Variants in CLINT1 observed in about 807,000 individuals in gnomAD.
CLINT1 encodes clathrin interactor 1.
CLINT1 carries 15 observed loss-of-function variants against 70.4 expected under a neutral mutation model. The ratio of observed to expected loss-of-function variants is 0.21; its 90% CI spans 0.14 to 0.33. CLINT1 has a LOEUF of 0.33. Ranked by LOEUF, CLINT1 falls within the 10% of genes least tolerant of loss-of-function variation. The pLI is 1.00. For missense variants in CLINT1, 615 were observed against 778.1 expected (o/e 0.79, Z 2.49); for synonymous variants, 227 against 254.7 (o/e 0.89, Z 1.04).
chr5:157,858,992 C>A lies in CLINT1; in HGVS notation c.-22G>T, dbSNP rs763083573. ...ACATCGTGCCCCGCGCGGGACGGTC[C>A]GCCGCCTCCCTCTCCTGCTCCCCAC... On this transcript the variant is annotated 5_prime_UTR_variant, in exon 1 of 12. Transcript: ENST00000411809. The A allele has an allele frequency of 2.7e-5, 44 of 1,610,132 alleles. No homozygotes were observed. The Admixed American group carries it at 7.2e-4, about 26-fold the overall frequency.
intron 1 of CLINT1, among the ~76,000 whole-genome samples, chr5:157,837,974 A>G (rs927019607): frequency 9.9e-5 from 15 of 151,826 alleles, no homozygotes; most frequent in African/African-American, 3.1e-4. Flanking sequence ...AAGATCTTTT[A>G]CTCTTAATGT....
chr5:157,852,055 T>C (rs1379526202), intron 1 of CLINT1, among the ~76,000 whole-genome samples: 1 of 152,230 alleles, frequency 6.6e-6, no homozygotes, highest in Non-Finnish European at 1.5e-5. Context: ...AGGATTCTTT[T>C]TCTTGATATT....
intron 6 of CLINT1, 23 bp from the exon 7 acceptor site, chr5:157,806,135 C>G: frequency 6.2e-7 from 1 of 1,608,760 alleles, no homozygotes; most frequent in Non-Finnish European, 8.5e-7. Context: ...AAAAATGAAG[C>G]AAAATAATAA....
chr5:157,791,419 A>C (rs868086075), intron 10 of CLINT1, among the ~76,000 whole-genome samples: 11 of 152,174 alleles, frequency 7.2e-5, no homozygotes, highest in Admixed American at 6.5e-5. Flanking sequence ...TGTAACAATA[A>C]ATTTTTGCCA....
At chr5:157,830,765 T>C (rs1341337410) in intron 1 of CLINT1, among the ~76,000 whole-genome samples, 18 of 88,672 alleles carry the variant, frequency 2.0e-4, no homozygotes, top group African/African-American at 6.5e-4. Context: ...TCCCTCTCTC[T>C]CTCTCTCTCT....
intron 1 of CLINT1, among the ~76,000 whole-genome samples, chr5:157,824,165 G>A (rs1669484339): frequency 6.6e-6 from 1 of 152,182 alleles, no homozygotes; most frequent in Admixed American, 6.5e-5. Context: ...CATAACATTA[G>A]ATAAATAGTT....
Position 157,859,096 on chromosome 5 carries a change from G to C in CLINT1, c.-126C>G, listed in dbSNP as rs116812209. 3.5e-3 allele frequency: 3,482 copies of C among 1,002,416 alleles called. 92 individuals carry two copies. The African/African-American group carries it at 0.05, about 15-fold the overall frequency. 62.1% of individuals were successfully genotyped at this position (1,002,416 alleles called of 1,614,324 possible). A position where few individuals can be genotyped will look rare whatever the true frequency, so the allele number is the denominator to read the frequency against. On this transcript the variant is annotated 5_prime_UTR_variant, in exon 1 of 12. Coordinates refer to ENST00000411809, the MANE Select transcript of CLINT1 (RefSeq NM_014666.4). ...CCGCCGCCTCGAACTCCCCCAGTCA[G>C]CTCCTTCCTTTGCCACAGCAGCGGC...
intron 1 of CLINT1, chr5:157,823,798 T>G: frequency 1.8e-6 from 1 of 553,984 alleles, no homozygotes; most frequent in Non-Finnish European, 2.3e-6. Flanking sequence ...CGGACCGGCC[T>G]GTTGGGAATG....
chr5:157,836,959 A>G (rs1763443290), intron 1 of CLINT1, among the ~76,000 whole-genome samples: 1 of 152,234 alleles, frequency 6.6e-6, no homozygotes, highest in African/African-American at 2.4e-5. Context: ...AGTACCTACA[A>G]GAGTTGCAAA....
At chr5:157,845,991 T>C (rs1302986051) in intron 1 of CLINT1, among the ~76,000 whole-genome samples, 5 of 152,196 alleles carry the variant, frequency 3.3e-5, no homozygotes, top group Non-Finnish European at 7.3e-5. Context: ...TGATAGTAAG[T>C]TGAATGTGTC....
intron 5 of CLINT1, among the ~76,000 whole-genome samples, chr5:157,811,588 T>C (rs1266096845): frequency 6.6e-6 from 1 of 151,628 alleles, no homozygotes; most frequent in Non-Finnish European, 1.5e-5. Flanking sequence ...AGTGATTAGT[T>C]AAGTCTGAAT....
chr5:157,804,979 T>G (rs1371513853), intron 7 of CLINT1, among the ~76,000 whole-genome samples: 4 of 152,076 alleles, frequency 2.6e-5, no homozygotes, highest in Non-Finnish European at 4.4e-5. Flanking sequence ...TATAAAATAT[T>G]TATTGCAGAG....
chr5:157,832,483 TC>T (rs940852777), intron 1 of CLINT1, among the ~76,000 whole-genome samples: 1 of 152,174 alleles, frequency 6.6e-6, no homozygotes, highest in Non-Finnish European at 1.5e-5. Context: ...GGTGTCTACT[TC>T]CCATTACTTT....
intron 1 of CLINT1, among the ~76,000 whole-genome samples, chr5:157,824,196 T>C (rs913983369): frequency 6.6e-6 from 1 of 152,220 alleles, no homozygotes; most frequent in Non-Finnish European, 1.5e-5. Context: ...CTCTAGAAGC[T>C]AGATAATGAA....
At chr5:157,846,657 C>T (rs1178426576) in intron 1 of CLINT1, among the ~76,000 whole-genome samples, 1 of 152,204 alleles carries the variant, frequency 6.6e-6, no homozygotes, top group African/African-American at 2.4e-5. Context: ...ATGAAACGGC[C>T]TTCCAGTGGA....
In CLINT1 at chr5:157,803,634, C is replaced by A; in HGVS notation, c.1012+16G>T. 6.9e-7 allele frequency: 1 copy of A among 1,448,530 alleles called. No homozygotes were observed. Among genetic ancestry groups the A allele is most frequent in the Non-Finnish European group, 9.2e-7 (1 of 1,086,418 alleles). 89.7% of individuals were successfully genotyped at this position (1,448,530 alleles called of 1,614,324 possible). The stretch of plus-strand genomic sequence containing the variant: ...TGACTCTCAAACCAAAAGAAAAGGC[C>A]AATGTAGAAGCTTACCTGTTGACTG... On this transcript the variant is annotated intron_variant, in intron 8 of 11. Transcript: ENST00000411809.
chr5:157,846,592 GT>G (rs1378597999), intron 1 of CLINT1, among the ~76,000 whole-genome samples: 2 of 152,212 alleles, frequency 1.3e-5, no homozygotes, highest in Non-Finnish European at 2.9e-5. Context: ...TATCCAGAAG[GT>G]CTAGCTAAGA....
chr5:157,804,931 A>AAAAAAGAAAAAG (rs71285036), intron 7 of CLINT1, among the ~76,000 whole-genome samples: 4 of 150,542 alleles, frequency 2.7e-5, no homozygotes, highest in Admixed American at 6.6e-5. Flanking sequence ...CGGTCTTCCA[A>AAAAAAGAAAAAG]AAAAAGAAAA....
At chr5:157,856,832 G>C (rs2113349613) in intron 1 of CLINT1, among the ~76,000 whole-genome samples, 1 of 152,266 alleles carries the variant, frequency 6.6e-6, no homozygotes, top group African/African-American at 2.4e-5. Context: ...GTAGTAAAAA[G>C]ATAGATAATA....
Sources: gnomAD v4.1 joint callset for allele counts (sites outside exome capture counted in the v4.1 genomes callset) on GRCh38, gnomAD v4.1.1 for gene constraint, MANE v1.5 for transcripts, NCBI Gene and HGNC (gene_info 2026-07-23, HGNC 2026-07-21) for gene names.